The following FER variants were observed in gnomAD, a reference collection of about 807,000 sequenced individuals.
FER encodes FER tyrosine kinase, also known as tyrosine-protein kinase Fer.
Under a neutral mutation model 111.0 loss-of-function variants are expected in FER, and 63 were observed. The observed-to-expected ratio is 0.57, with a 90% CI of 0.46 to 0.70. The LOEUF is 0.70. FER is among the 30% of genes least tolerant of loss of function. The pLI is 0.00. For synonymous variants in FER, 327 were observed against 313.9 expected (o/e 1.04, Z -0.44); for missense variants, 914 against 954.0 (o/e 0.96, Z 0.55).
Position 108,795,725 on chromosome 5 carries a change from A to G in FER, c.-59-2399A>G, listed in dbSNP as rs146540458. ...TGCTTCATTCTTTTTATTTATTTCA[A>G]TCTCCTTGTTAAATTTATCTAGATA... On this transcript the variant is annotated intron_variant, in intron 2 of 19. Coordinates refer to ENST00000281092, the MANE Select transcript of FER (RefSeq NM_005246.4). Among the ~76,000 whole-genome samples, 12 of 152,070 alleles carry G rather than the reference A, an allele frequency of 7.9e-5. No individual in the cohort carries two copies. The East Asian group carries it at 2.3e-3, about 29-fold the overall frequency.
At chr5:109,034,316 T>C (rs910406763) in intron 13 of FER, among the ~76,000 whole-genome samples, 5 of 152,202 alleles carry the variant, frequency 3.3e-5, no homozygotes, top group Non-Finnish European at 5.9e-5. Flanking sequence ...GTCTGCAGAC[T>C]TAGTCTGCCA....
At chr5:108,888,550 G>C (rs1465061749) in intron 9 of FER, among the ~76,000 whole-genome samples, 2 of 151,836 alleles carry the variant, frequency 1.3e-5, no homozygotes, top group Non-Finnish European at 2.9e-5. Context: ...AATAGCACAT[G>C]CAAGGGTTCT....
intron 10 of FER, among the ~76,000 whole-genome samples, chr5:108,919,611 C>T (rs1752768026): frequency 6.6e-6 from 1 of 152,124 alleles, no homozygotes; most frequent in African/African-American, 2.4e-5. Flanking sequence ...ATATAACATA[C>T]TTTATTTACT....
intron 17 of FER, among the ~76,000 whole-genome samples, chr5:109,121,149 A>G (rs920950345): frequency 6.6e-6 from 1 of 152,090 alleles, no homozygotes; most frequent in Non-Finnish European, 1.5e-5. Flanking sequence ...CACTAATGAA[A>G]GTGGGCATCC....
At chr5:109,074,197 AT>A (rs930088760) in intron 16 of FER, among the ~76,000 whole-genome samples, 1 of 152,288 alleles carries the variant, frequency 6.6e-6, no homozygotes, top group African/African-American at 2.4e-5. Context: ...TTAAAATATT[AT>A]TATCCTCAGT....
chr5:109,117,413 G>A (rs562454659), intron 17 of FER, among the ~76,000 whole-genome samples: 34 of 152,210 alleles, frequency 2.2e-4, no homozygotes, highest in Admixed American at 7.2e-4. Context: ...GGACATTGTC[G>A]TGTACTTCTA....
At chr5:109,095,254 CT>C (rs1163021759) in intron 16 of FER, among the ~76,000 whole-genome samples, 5 of 152,102 alleles carry the variant, frequency 3.3e-5, no homozygotes, top group African/African-American at 9.6e-5. Flanking sequence ...TCAGGAAGTA[CT>C]TTTTTAAAGA....
chr5:109,119,374 C>T (rs1159633208), intron 17 of FER, among the ~76,000 whole-genome samples: 2 of 152,130 alleles, frequency 1.3e-5, no homozygotes, highest in African/African-American at 2.4e-5. Context: ...GTCTGAGAGA[C>T]AGTTTGTTGT....
chr5:109,080,548 A>T (rs2150018875), intron 16 of FER, among the ~76,000 whole-genome samples: 1 of 152,232 alleles, frequency 6.6e-6, no homozygotes, highest in South Asian at 2.1e-4. Context: ...ATTCTTACAA[A>T]TTTTAGGTCT....
chr5:109,126,286 G>A (rs550599813), intron 17 of FER, among the ~76,000 whole-genome samples: 29 of 152,188 alleles, frequency 1.9e-4, no homozygotes, highest in African/African-American at 6.3e-4. Context: ...AGAACCCTGC[G>A]GTTTGCATGC....
chr5:109,038,437 C>T (rs1433158930), intron 14 of FER, among the ~76,000 whole-genome samples: 1 of 151,884 alleles, frequency 6.6e-6, no homozygotes, highest in African/African-American at 2.4e-5. Flanking sequence ...GATGAATTGA[C>T]TATTTTCCCC....
intron 1 of FER, among the ~76,000 whole-genome samples, chr5:108,752,568 C>G (rs1307042259): frequency 2.0e-5 from 3 of 151,836 alleles, no homozygotes; most frequent in African/African-American, 7.3e-5. Flanking sequence ...TAGACCCAAG[C>G]AGTTACTGTT....
chr5:108,814,309 C>T (rs905141758), intron 3 of FER, among the ~76,000 whole-genome samples: 3 of 152,034 alleles, frequency 2.0e-5, no homozygotes, highest in Non-Finnish European at 2.9e-5. Context: ...TTGGATCTCG[C>T]GCAAGAAATA....
intron 17 of FER, among the ~76,000 whole-genome samples, chr5:109,164,840 C>G (rs566990819): frequency 7.6e-4 from 116 of 152,160 alleles, no homozygotes; most frequent in Non-Finnish European, 1.5e-3. Flanking sequence ...TTTTCACTTC[C>G]TCCCTTCCAC....
intron 8 of FER, 124 bp downstream of exon 8, chr5:108,872,336 G>A: frequency 1.2e-6 from 1 of 820,586 alleles, no homozygotes; most frequent in Non-Finnish European, 1.8e-6. Context: ...GGGTCAGAGT[G>A]ACATGTTTTG....
At position 109,010,901 on chromosome 5, in the gene FER, GT is replaced by G. The variant is rs1156734002; in HGVS notation, c.1657-26518del. Among the ~76,000 whole-genome samples the G allele has an allele frequency of 7.2e-5, 11 of 152,098 alleles. No homozygotes were observed. The East Asian group carries it at 2.1e-3, about 29-fold the overall frequency. The stretch of plus-strand genomic sequence containing the variant: ...TTTTGGCAAAAGTGAAATGAAATCA[GT>G]TTATTTTGTGAAGTAAAAAAGTGAA... On this transcript the variant is annotated intron_variant, in intron 13 of 19. Coordinates refer to ENST00000281092, the MANE Select transcript of FER (RefSeq NM_005246.4).
chr5:108,992,899 CG>C (rs1763428751), intron 13 of FER, among the ~76,000 whole-genome samples: 1 of 146,326 alleles, frequency 6.8e-6, no homozygotes, highest in African/African-American at 2.6e-5. Context: ...ACATCCCAGA[CG>C]GGGCGGCGGG....
intron 13 of FER, among the ~76,000 whole-genome samples, chr5:108,991,047 G>A (rs982427932): frequency 1.3e-5 from 2 of 151,208 alleles, no homozygotes; most frequent in African/African-American, 4.8e-5. Context: ...TATAGTATAT[G>A]TATATATACA....
intron 18 of FER, among the ~76,000 whole-genome samples, chr5:109,182,868 G>T (rs1399504352): frequency 6.6e-6 from 1 of 152,048 alleles, no homozygotes; most frequent in Non-Finnish European, 1.5e-5. Context: ...TTGAGACAGG[G>T]TCTTACTTTG....
Sources: allele counts gnomAD v4.1 joint callset (sites outside exome capture counted in the v4.1 genomes callset), GRCh38; gene constraint gnomAD v4.1.1; transcripts MANE v1.5; gene names NCBI Gene and HGNC (gene_info 2026-07-23, HGNC 2026-07-21).